CMIP: variants seen among roughly 807,000 people sequenced by gnomAD.
The protein encoded by CMIP is c-Maf inducing protein, also known as C-Maf-inducing protein.
Under a neutral mutation model 97.3 loss-of-function variants are expected in CMIP, and 13 were observed. The ratio of observed to expected loss-of-function variants is 0.13; its 90% CI spans 0.09 to 0.21. The LOEUF (loss-of-function observed/expected upper bound fraction) is 0.21. CMIP is among the 10% of genes least tolerant of loss of function. The probability of loss-of-function intolerance (pLI) is 1.00; values close to 1 mark genes in which losing one functional copy is unlikely to be tolerated. For synonymous variants in CMIP, 538 were observed against 436.3 expected (o/e 1.23, Z -2.91); for missense variants, 847 against 1,024.9 (o/e 0.83, Z 2.37).
chr16:81,558,487 C>G (rs2090812712), intron 1 of CMIP, among the ~76,000 whole-genome samples: 1 of 152,184 alleles, frequency 6.6e-6, no homozygotes, highest in African/African-American at 2.4e-5. Context: ...TTTTACATTT[C>G]CACTAACAGC....
chr16:81,706,764 A>AC (rs1908196064), intron 19 of CMIP, among the ~76,000 whole-genome samples: 1 of 152,100 alleles, frequency 6.6e-6, no homozygotes, highest in Admixed American at 6.6e-5. Flanking sequence ...CGACAGAGGG[A>AC]CCAGAAGGGA....
At chr16:81,459,629 G>A (rs140864311) in intron 1 of CMIP, among the ~76,000 whole-genome samples, 1,567 of 152,324 alleles carry the variant, frequency 0.01, 7 homozygotes, top group South Asian at 0.023. Context: ...TTTTCTAAAC[G>A]ATATTGCCCC....
chr16:81,454,947 A>T (rs1198587154), intron 1 of CMIP, among the ~76,000 whole-genome samples: 2 of 152,218 alleles, frequency 1.3e-5, no homozygotes, highest in Non-Finnish European at 2.9e-5. Context: ...GCAAAGGGAC[A>T]GGCCAGAGCG....
intron 1 of CMIP, among the ~76,000 whole-genome samples, chr16:81,517,107 G>A (rs2089930568): frequency 6.6e-6 from 1 of 151,580 alleles, no homozygotes; most frequent in Non-Finnish European, 1.5e-5. Flanking sequence ...AAACCAGACG[G>A]CCTCCAAGGT....
chr16:81,586,357 C>T (rs1378091716), intron 1 of CMIP, among the ~76,000 whole-genome samples: 1 of 152,136 alleles, frequency 6.6e-6, no homozygotes, highest in Non-Finnish European at 1.5e-5. Context: ...GTGCTATTAT[C>T]ATCGAAACAG....
intron 1 of CMIP, among the ~76,000 whole-genome samples, chr16:81,567,549 T>G (rs771459835): frequency 2.6e-5 from 4 of 152,158 alleles, no homozygotes; most frequent in Non-Finnish European, 5.9e-5. Flanking sequence ...GGGCCTCAGT[T>G]TCCACTTCAC....
At chr16:81,578,269 C>T (rs140550599) in intron 1 of CMIP, among the ~76,000 whole-genome samples, 2 of 152,390 alleles carry the variant, frequency 1.3e-5, no homozygotes, top group East Asian at 1.9e-4. Context: ...ACTGTTACAG[C>T]ATCACCACTA....
intron 10 of CMIP, among the ~76,000 whole-genome samples, chr16:81,690,880 C>A (rs936069925): frequency 6.6e-6 from 1 of 152,136 alleles, no homozygotes; most frequent in African/African-American, 2.4e-5. Flanking sequence ...GAGCTGAGAT[C>A]GTGCCATTGC....
chr16:81,633,524 T>G (rs527728100), intron 3 of CMIP, among the ~76,000 whole-genome samples: 1 of 152,196 alleles, frequency 6.6e-6, no homozygotes, highest in South Asian at 2.1e-4. Flanking sequence ...GGGAAGGTGT[T>G]TGGGAGAGAG....
chr16:81,683,792 C>T (rs1178997404), intron 10 of CMIP, among the ~76,000 whole-genome samples: 1 of 125,534 alleles, frequency 8.0e-6, no homozygotes, highest in Non-Finnish European at 1.6e-5. Flanking sequence ...GATGGAGTCA[C>T]GCTCTCTCAC....
At chr16:81,604,429 G>A (rs2091708573) in intron 1 of CMIP, among the ~76,000 whole-genome samples, 1 of 150,396 alleles carries the variant, frequency 6.6e-6, no homozygotes, top group Non-Finnish European at 1.5e-5. Context: ...ACCGGCTGCG[G>A]TGGCTTATGC....
At chr16:81,546,276 A>G (rs1228760413) in intron 1 of CMIP, among the ~76,000 whole-genome samples, 2 of 152,148 alleles carry the variant, frequency 1.3e-5, no homozygotes, top group Non-Finnish European at 2.9e-5. Flanking sequence ...GTGTCCTGGG[A>G]GAGCAGGAAG....
chr16:81,593,671 G>A (rs188917809), intron 1 of CMIP, among the ~76,000 whole-genome samples: 175 of 152,318 alleles, frequency 1.1e-3, no homozygotes, highest in South Asian at 2.1e-3. Context: ...CACCTGGCGC[G>A]TCTGGGCATT....
intron 1 of CMIP, among the ~76,000 whole-genome samples, chr16:81,606,439 C>G (rs534962891): frequency 6.6e-6 from 1 of 152,286 alleles, no homozygotes; most frequent in African/African-American, 2.4e-5. Flanking sequence ...GCCAAAGTGA[C>G]AAGGACACCC....
chr16:81,689,265 GT>G (rs1423183867), intron 10 of CMIP, among the ~76,000 whole-genome samples: 1 of 152,176 alleles, frequency 6.6e-6, no homozygotes, highest in Non-Finnish European at 1.5e-5. Flanking sequence ...CTAGTTTACA[GT>G]CCCACCAACA....
At position 81,576,085 on chromosome 16, in the gene CMIP, C is replaced by A. The variant is rs1004881172; in HGVS notation, c.301-31482C>A. Among the ~76,000 whole-genome samples the A allele has an allele frequency of 1.1e-4, 16 of 152,212 alleles. 1 individual carries two copies. The highest frequency in any genetic ancestry group is 3.4e-4 in the African/African-American group (14 of 41,526). On this transcript the variant is annotated intron_variant, in intron 1 of 20. Transcript: ENST00000537098. ...GATCTGAGATATCTTGTAAGATACT[C>A]CATTTTCTTGCATACCTCTAAGCAA...
At chr16:81,674,958 TA>T (rs946276171) in intron 9 of CMIP, among the ~76,000 whole-genome samples, 7 of 151,130 alleles carry the variant, frequency 4.6e-5, no homozygotes, top group Admixed American at 2.6e-4. Context: ...TATGTCAATT[TA>T]AAAAAAGAAA....
rs147634853 is a variant in CMIP, at chr16:81,453,271, A to G, written c.300+7730A>G. On this transcript the variant is annotated intron_variant, in intron 1 of 20. Coordinates refer to ENST00000537098, the MANE Select transcript of CMIP (RefSeq NM_198390.3). This position sits in a 1 kb window ranked among gnomAD's most constrained non-coding sequence, Gnocchi z 4.0. ...CGACTAAACTGATTGTGCTGGGCGAACTCTTTTTGGAGGGAAGCACGTGGT... is the reference window on the plus strand; with the variant it reads ...CGACTAAACTGATTGTGCTGGGCGAGCTCTTTTTGGAGGGAAGCACGTGGT... 5.7e-3 allele frequency among the ~76,000 whole-genome samples: 870 copies of G among 152,062 alleles called. 6 individuals are homozygous for G. The highest frequency in any genetic ancestry group is 7.6e-3 in the Non-Finnish European group (517 of 67,970).
At chr16:81,688,363 T>C (rs954085283) in intron 10 of CMIP, among the ~76,000 whole-genome samples, 8 of 152,350 alleles carry the variant, frequency 5.3e-5, no homozygotes, top group East Asian at 3.9e-4. Flanking sequence ...CAGGCAGGCG[T>C]TGGCTTTTGC....
Sources: allele counts gnomAD v4.1 joint callset (sites outside exome capture counted in the v4.1 genomes callset), GRCh38; gene constraint gnomAD v4.1.1; non-coding constraint Gnocchi (gnomAD v3.1); transcripts MANE v1.5; gene names NCBI Gene and HGNC (gene_info 2026-07-23, HGNC 2026-07-21).